COG3: variants seen among roughly 807,000 people sequenced by gnomAD.
The protein encoded by COG3 is component of oligomeric golgi complex 3.
A neutral mutation model predicts 114.1 loss-of-function variants in COG3; 32 were observed. The observed-to-expected ratio is 0.28, with a 90% CI of 0.21 to 0.38. COG3 has a LOEUF of 0.38. Among genes scored for constraint, COG3 ranks in the 10% least tolerant of loss-of-function variants. COG3 has a pLI of 1.00. For synonymous variants in COG3, 352 were observed against 365.7 expected (o/e 0.96, Z 0.43); for missense variants, 813 against 973.2 (o/e 0.84, Z 2.19).
chr13:45,509,823 G>A lies in COG3; in HGVS notation c.1719+7G>A. The A allele has an allele frequency of 6.3e-7, 1 of 1,592,176 alleles. No individual in the cohort carries two copies. On this transcript the variant is annotated splice_region_variant and intron_variant, in intron 15 of 22. Coordinates refer to ENST00000349995, the MANE Select transcript of COG3 (RefSeq NM_031431.4). The stretch of plus-strand genomic sequence containing the variant: ...ATTATACAGATGCATAGATGTACGT[G>A]TATCTTTACTGTGAATTGCTCGTTC...
At chr13:45,507,600 AC>A (rs1242410450) in intron 14 of COG3, among the ~76,000 whole-genome samples, 1 of 151,910 alleles carries the variant, frequency 6.6e-6, no homozygotes, top group Non-Finnish European at 1.5e-5. Flanking sequence ...CCCCATCTCT[AC>A]TAAAAATACA....
intron 12 of COG3, among the ~76,000 whole-genome samples, chr13:45,494,198 G>A (rs1032643788): frequency 1.4e-4 from 22 of 151,874 alleles, no homozygotes; most frequent in African/African-American, 5.3e-4. Context: ...GGTGGCAGGC[G>A]CCTATAATCT....
intron 13 of COG3, among the ~76,000 whole-genome samples, chr13:45,497,098 A>G (rs1202248913): frequency 2.0e-5 from 3 of 152,202 alleles, no homozygotes; most frequent in African/African-American, 4.8e-5. Context: ...AAGAAGGTTG[A>G]TAATGTAGAA....
chr13:45,519,704 T>C (rs191191315), intron 19 of COG3, among the ~76,000 whole-genome samples: 2 of 152,254 alleles, frequency 1.3e-5, no homozygotes, highest in African/African-American at 4.8e-5. Flanking sequence ...AATGAAACAA[T>C]GTTGAACGTT....
intron 13 of COG3, among the ~76,000 whole-genome samples, chr13:45,500,797 G>A (rs757201355): frequency 6.6e-6 from 1 of 152,144 alleles, no homozygotes; most frequent in Non-Finnish European, 1.5e-5. Context: ...ACACCACGTT[G>A]CACTTAGTTT....
intron 8 of COG3, among the ~76,000 whole-genome samples, chr13:45,486,958 T>G (rs1292212402): frequency 1.3e-5 from 2 of 152,188 alleles, no homozygotes. Context: ...CTACAAAGAC[T>G]CTCTCACGAG....
intron 11 of COG3, among the ~76,000 whole-genome samples, chr13:45,492,580 C>A (rs1207630302): frequency 6.6e-6 from 1 of 152,070 alleles, no homozygotes; most frequent in Non-Finnish European, 1.5e-5. Context: ...TTAAAAAATT[C>A]TATGATTCTA....
At chr13:45,470,659 C>T (rs904303563) in intron 1 of COG3, among the ~76,000 whole-genome samples, 6 of 152,202 alleles carry the variant, frequency 3.9e-5, no homozygotes, top group African/African-American at 1.4e-4. Context: ...TCTGGTGTCA[C>T]AACTGGGATT....
chr13:45,506,727 C>T (rs550036380), intron 14 of COG3, among the ~76,000 whole-genome samples: 11 of 152,060 alleles, frequency 7.2e-5, no homozygotes, highest in Non-Finnish European at 1.6e-4. Context: ...GGAGCAAAAC[C>T]AAAAAGAATA....
intron 13 of COG3, among the ~76,000 whole-genome samples, chr13:45,499,386 G>A (rs185693789): frequency 2.0e-5 from 3 of 152,270 alleles, no homozygotes; most frequent in South Asian, 2.1e-4. Context: ...GATATACAAT[G>A]AGATTGCTGT....
intron 2 of COG3, among the ~76,000 whole-genome samples, chr13:45,478,598 C>T (rs547233131): frequency 6.6e-6 from 1 of 152,150 alleles, no homozygotes; most frequent in East Asian, 1.9e-4. Context: ...AAGCAATTCT[C>T]CTGCCTCAGT....
chr13:45,491,050 A>G lies in COG3; in HGVS notation c.968+92A>G, dbSNP rs1038763510. 4.6e-5 allele frequency: 39 copies of G among 849,488 alleles called. 1 individual carries two copies. Among genetic ancestry groups the G allele is most frequent in the African/African-American group, 3.4e-4 (20 of 58,384 alleles). 52.6% of individuals were successfully genotyped at this position (849,488 alleles called of 1,614,324 possible). ...CTGGATCTCTGATATTTTATGAGCA[A>G]TTGCCTTCCAGCTTGTTCTTGTAAC... On this transcript the variant is annotated intron_variant, in intron 9 of 22. Coordinates refer to ENST00000349995, the MANE Select transcript of COG3 (RefSeq NM_031431.4).
chr13:45,513,248 C>T (rs866258344), intron 16 of COG3, among the ~76,000 whole-genome samples: 17 of 35,282 alleles, frequency 4.8e-4, no homozygotes, highest in East Asian at 1.6e-3. Flanking sequence ...ATAAATTATA[C>T]ATATAATATA....
At chr13:45,529,692 C>T (rs1188742430) in intron 20 of COG3, 99 bp from the exon 21 acceptor site, 3 of 807,822 alleles carry the variant, frequency 3.7e-6, no homozygotes, top group Non-Finnish European at 3.7e-6. Context: ...AGAGTCTTTT[C>T]TTCTGCTATT....
chr13:45,535,879 C>A lies in COG3; in HGVS notation c.*1148C>A. The A allele has an allele frequency of 1.0e-6, 1 of 987,508 alleles. No individual in the cohort carries two copies. The allele number at this position is 987,508 out of a possible 1,614,324, so 61.2% of individuals were successfully genotyped here. A position where few individuals can be genotyped will look rare whatever the true frequency, so the allele number is the denominator to read the frequency against. On this transcript the variant is annotated 3_prime_UTR_variant, in exon 23 of 23. Coordinates refer to ENST00000349995, the MANE Select transcript of COG3 (RefSeq NM_031431.4). ...TGTTAAGGCAGCCAGCTTCTTAGTT[C>A]AAAAAGAATTCTGAGTTTTTCAAAC...
In COG3 at chr13:45,534,882, G is replaced by C; in HGVS notation, c.*151G>C. 1.6e-6 allele frequency: 2 copies of C among 1,283,890 alleles called. No individual in the cohort carries two copies. Among genetic ancestry groups the C allele is most frequent in the Non-Finnish European group, 2.0e-6 (2 of 1,016,946 alleles). 79.5% of individuals were successfully genotyped at this position (1,283,890 alleles called of 1,614,324 possible). On this transcript the variant is annotated 3_prime_UTR_variant, in exon 23 of 23. Coordinates refer to ENST00000349995, the MANE Select transcript of COG3 (RefSeq NM_031431.4). ...TCAGTGCTGACTGCAGAATGAAATA[G>C]AAGCAAAGTGTTACAGGATCAGTGT... is the stretch of plus-strand genomic sequence containing the variant.
intron 1 of COG3, among the ~76,000 whole-genome samples, chr13:45,474,344 A>G (rs758329723): frequency 5.3e-5 from 8 of 151,206 alleles, no homozygotes; most frequent in Non-Finnish European, 1.0e-4. Flanking sequence ...GTGTGTTTTT[A>G]GTTGAGACGG....
intron 1 of COG3, among the ~76,000 whole-genome samples, chr13:45,471,255 A>G (rs906858647): frequency 2.6e-5 from 4 of 152,018 alleles, no homozygotes; most frequent in African/African-American, 4.8e-5. Context: ...AAAAAAAAGA[A>G]AAAAAAATCA....
intron 2 of COG3, among the ~76,000 whole-genome samples, chr13:45,477,834 G>A (rs1443227224): frequency 6.6e-6 from 1 of 152,066 alleles, no homozygotes; most frequent in African/African-American, 2.4e-5. Flanking sequence ...CACCTTGTTA[G>A]CCAGGATGAT....
Sources: gnomAD v4.1 joint callset for allele counts (sites outside exome capture counted in the v4.1 genomes callset) on GRCh38, gnomAD v4.1.1 for gene constraint, MANE v1.5 for transcripts, NCBI Gene and HGNC (gene_info 2026-07-23, HGNC 2026-07-21) for gene names.